The following USP3 variants were observed in gnomAD, a reference collection of about 807,000 sequenced individuals.
The protein encoded by USP3 is ubiquitin carboxyl-terminal hydrolase 3.
USP3 carries 20 observed loss-of-function variants against 72.3 expected under a neutral mutation model. The ratio of observed to expected loss-of-function variants is 0.28; its 90% CI spans 0.19 to 0.40. USP3 has a LOEUF of 0.40. USP3 is among the 10% of genes least tolerant of loss of function. The probability of loss-of-function intolerance (pLI) is 1.00; values close to 1 mark genes in which losing one functional copy is unlikely to be tolerated. For missense variants in USP3, 479 were observed against 633.9 expected, an observed-to-expected ratio of 0.76 and a Z score of 2.62; for synonymous variants, 222 against 225.3, an observed-to-expected ratio of 0.99 and a Z score of 0.13.
At chr15:63,562,865 C>T (rs1385364445) in intron 7 of USP3, 30 bp from the exon 8 acceptor site, 2 of 1,481,748 alleles carry the variant, frequency 1.3e-6, no homozygotes, top group Non-Finnish European at 1.9e-6. Flanking sequence ...TCTCACTAAT[C>T]TGAGGGCACT....
In USP3 at chr15:63,592,436, G is replaced by A. The variant is rs1188548237; in HGVS notation, c.*1610G>A. 6.8e-6 allele frequency: 1 copy of A among 146,584 alleles called. No individual in the cohort carries two copies. Among genetic ancestry groups the A allele is most frequent in the Non-Finnish European group, 1.5e-5 (1 of 66,792 alleles). 9.1% of individuals were successfully genotyped at this position (146,584 alleles called of 1,614,324 possible). ...AATGTATCTTGTGTTAAGCCAACGA[G>A]ACTTTCTGGCAATTTTTTTTTTTTT... is the stretch of plus-strand genomic sequence containing the variant. On this transcript the variant is annotated 3_prime_UTR_variant, in exon 15 of 15. Coordinates refer to ENST00000380324, the MANE Select transcript of USP3 (RefSeq NM_006537.4).
intron 11 of USP3, among the ~76,000 whole-genome samples, chr15:63,582,276 G>A (rs561865087): frequency 3.3e-5 from 5 of 152,312 alleles, no homozygotes; most frequent in Admixed American, 2.0e-4. Flanking sequence ...GATGACAGTG[G>A]TAGTGGAGAT....
rs529018790 is a variant in USP3, at chr15:63,582,358, T to C, written c.1097-5947T>C. ...AGGGGAACTCCCCAGGAGGCCCTACTGGGCACACCAGTCTCCTTACCTTCT... is the reference window on the plus strand; with the variant it reads ...AGGGGAACTCCCCAGGAGGCCCTACCGGGCACACCAGTCTCCTTACCTTCT... On this transcript the variant is annotated intron_variant, in intron 11 of 14. Transcript: ENST00000380324. 7.9e-5 allele frequency among the ~76,000 whole-genome samples: 12 copies of C among 152,324 alleles called. No individual in the cohort carries two copies. In the South Asian group the frequency reaches 1.9e-3, roughly 24 times the overall value.
At chr15:63,573,225 T>G (rs1158117708) in intron 9 of USP3, among the ~76,000 whole-genome samples, 1 of 152,202 alleles carries the variant, frequency 6.6e-6, no homozygotes, top group Admixed American at 6.5e-5. Flanking sequence ...GGCAAACACT[T>G]TAAGTGCTTT....
chr15:63,515,640 T>C (rs756144476), intron 1 of USP3: 5 of 152,358 alleles, frequency 3.3e-5, no homozygotes, highest in Non-Finnish European at 5.9e-5. Flanking sequence ...AATGATAAAC[T>C]GCTATTCTAA....
intron 3 of USP3, among the ~76,000 whole-genome samples, chr15:63,539,148 T>C (rs1358147295): frequency 2.6e-5 from 4 of 152,078 alleles, no homozygotes; most frequent in Non-Finnish European, 5.9e-5. Flanking sequence ...GAAACTTATA[T>C]ACTAGAGTGA....
intron 3 of USP3, among the ~76,000 whole-genome samples, chr15:63,545,238 T>G (rs548159248): frequency 6.6e-6 from 1 of 152,330 alleles, no homozygotes; most frequent in Non-Finnish European, 1.5e-5. Context: ...CTTGTGTTTC[T>G]TATGAAAATT....
At chr15:63,550,264 C>T (rs1393255123) in intron 3 of USP3, among the ~76,000 whole-genome samples, 5 of 152,202 alleles carry the variant, frequency 3.3e-5, no homozygotes, top group African/African-American at 1.2e-4. Flanking sequence ...GTGATCCACC[C>T]AGCTCGGCCT....
intron 8 of USP3, among the ~76,000 whole-genome samples, chr15:63,565,862 T>TC (rs2066681671): frequency 1.3e-5 from 2 of 152,234 alleles, no homozygotes; most frequent in Non-Finnish European, 2.9e-5. Context: ...TGCAGGTATC[T>TC]AAGAGAGAAA....
chr15:63,585,269 A>G (rs890602541), intron 11 of USP3, among the ~76,000 whole-genome samples: 4 of 152,202 alleles, frequency 2.6e-5, no homozygotes, highest in South Asian at 2.1e-4. Context: ...AGAAATTTCT[A>G]TTGGGATTTT....
chr15:63,513,048 T>G (rs2065811056), intron 1 of USP3, among the ~76,000 whole-genome samples: 1 of 152,216 alleles, frequency 6.6e-6, no homozygotes, highest in Admixed American at 6.5e-5. Context: ...TTTGGAGACT[T>G]TGTACTCTGC....
At chr15:63,541,571 G>T (rs530861590) in intron 3 of USP3, among the ~76,000 whole-genome samples, 1 of 152,094 alleles carries the variant, frequency 6.6e-6, no homozygotes, top group African/African-American at 2.4e-5. Context: ...GTACTTGTCT[G>T]CTTTTAACAA....
intron 1 of USP3, among the ~76,000 whole-genome samples, chr15:63,523,000 T>C (rs1005362198): frequency 3.3e-5 from 5 of 152,250 alleles, no homozygotes; most frequent in African/African-American, 1.2e-4. Context: ...TTCTATTATC[T>C]AAACCTTATC....
Position 63,570,284 on chromosome 15 carries a change from TG to T in USP3, c.762-147del. On this transcript the variant is annotated intron_variant, in intron 8 of 14. Transcript: ENST00000380324. This position sits in a 1 kb window ranked among gnomAD's most constrained non-coding sequence, Gnocchi z 4.4. ...TCTTGAAGAGAAATTCTGTCACCTG[TG>T]GAGCTTTCGGGCATGAAGGTGAGGA... The T allele has an allele frequency of 9.7e-7, 1 of 1,027,086 alleles. No individual in the cohort carries two copies. The highest frequency in any genetic ancestry group is 1.4e-6 in the Non-Finnish European group (1 of 718,496). The allele number at this position is 1,027,086 out of a possible 1,614,324, so 63.6% of individuals were successfully genotyped here. A position where few individuals can be genotyped will look rare whatever the true frequency, so the allele number is the denominator to read the frequency against.
chr15:63,505,642 C>T (rs1297235193), intron 1 of USP3, among the ~76,000 whole-genome samples: 1 of 152,154 alleles, frequency 6.6e-6, no homozygotes, highest in African/African-American at 2.4e-5. Context: ...GTTTTAACTC[C>T]TGCTGGCCCC....
intron 1 of USP3, among the ~76,000 whole-genome samples, chr15:63,522,585 G>A (rs2065934370): frequency 6.6e-6 from 1 of 152,142 alleles, no homozygotes. Context: ...TTAGGGTAGA[G>A]GTTAAAACCT....
intron 11 of USP3, among the ~76,000 whole-genome samples, chr15:63,583,619 A>T (rs2067002406): frequency 6.6e-6 from 1 of 152,340 alleles, no homozygotes; most frequent in Admixed American, 6.5e-5. Flanking sequence ...GAAACTCTGT[A>T]CCCATTAAAC....
rs774735859 is a variant in USP3, at chr15:63,588,462, G to T, written c.1215+39G>T. ...TTTGAGTTATGAAGCAATTTCAATGGGAAAGTGCTTGACTGCTAAGACCAT... is the reference window on the plus strand; with the variant it reads ...TTTGAGTTATGAAGCAATTTCAATGTGAAAGTGCTTGACTGCTAAGACCAT... On this transcript the variant is annotated intron_variant, in intron 12 of 14. Coordinates refer to ENST00000380324, the MANE Select transcript of USP3 (RefSeq NM_006537.4). The surrounding 1 kb of genome is among the most constrained non-coding windows in gnomAD (Gnocchi z 4.6). The T allele has an allele frequency of 7.1e-7, 1 of 1,401,030 alleles. No homozygotes were observed. Among genetic ancestry groups the T allele is most frequent in the Non-Finnish European group, 1.0e-6 (1 of 1,002,806 alleles). 86.8% of individuals were successfully genotyped at this position (1,401,030 alleles called of 1,614,324 possible).
chr15:63,564,258 C>T (rs1190783529), intron 8 of USP3, among the ~76,000 whole-genome samples: 2 of 152,080 alleles, frequency 1.3e-5, no homozygotes, highest in Admixed American at 6.6e-5. Context: ...GAACAAAATT[C>T]CAGCCAAGCA....
Sources: gnomAD v4.1 joint callset for allele counts (sites outside exome capture counted in the v4.1 genomes callset) on GRCh38, gnomAD v4.1.1 for gene constraint, Gnocchi (gnomAD v3.1) non-coding constraint, MANE v1.5 for transcripts, NCBI Gene and HGNC (gene_info 2026-07-23, HGNC 2026-07-21) for gene names.